Variants in RSPO2 observed in about 807,000 individuals in gnomAD.
RSPO2 encodes R-spondin 2.
Under a neutral mutation model 30.9 loss-of-function variants are expected in RSPO2, and 14 were observed. The ratio of observed to expected loss-of-function variants is 0.45; its 90% CI spans 0.30 to 0.71. The LOEUF (loss-of-function observed/expected upper bound fraction) is 0.71, where lower values mean the gene tolerates loss of function less well. RSPO2 is among the 30% of genes least tolerant of loss of function. The pLI is 0.08. For missense variants in RSPO2, 264 were observed against 301.9 expected (o/e 0.87, Z 0.93); for synonymous variants, 107 against 96.4 (o/e 1.11, Z -0.64).
rs1374748413 is a variant in RSPO2, at chr8:107,900,921, G to GGC, written c.*152_*153dup. 45 of 730,160 alleles carry GGC rather than the reference G, an allele frequency of 6.2e-5. No individual in the cohort carries two copies. Among genetic ancestry groups the GGC allele is most frequent in the Admixed American group, 1.6e-4 (6 of 38,646 alleles). 45.2% of individuals were successfully genotyped at this position (730,160 alleles called of 1,614,324 possible). A position where few individuals can be genotyped will look rare whatever the true frequency, so the allele number is the denominator to read the frequency against. Reference sequence around the variant, plus strand: ...CAAATCAAAGCATAAATAACACAGGGGCCATGCTGGTGGTGCTTCCTTTCA... The same window carrying GGC: ...CAAATCAAAGCATAAATAACACAGGGGCGCCATGCTGGTGGTGCTTCCTTTCA... On this transcript the variant is annotated 3_prime_UTR_variant, in exon 6 of 6. Transcript: ENST00000276659.
At chr8:107,940,598 C>T (rs1403466434) in intron 5 of RSPO2, among the ~76,000 whole-genome samples, 1 of 152,166 alleles carries the variant, frequency 6.6e-6, no homozygotes, top group African/African-American at 2.4e-5. Flanking sequence ...GAATGCTTGG[C>T]TCATAGCTTC....
chr8:108,057,587 T>G (rs1812297650), intron 2 of RSPO2, among the ~76,000 whole-genome samples: 1 of 152,106 alleles, frequency 6.6e-6, no homozygotes, highest in Non-Finnish European at 1.5e-5. Context: ...CATTCAAAAT[T>G]CAAATTTTAA....
Position 107,899,323 on chromosome 8 carries a change from G to GAAGT in RSPO2, c.*1748_*1751dup, listed in dbSNP as rs1362916831. 3 of 152,506 alleles carry GAAGT rather than the reference G, an allele frequency of 2.0e-5. No homozygotes were observed. Among genetic ancestry groups the GAAGT allele is most frequent in the Admixed American group, 2.0e-4 (3 of 15,264 alleles). 9.4% of individuals were successfully genotyped at this position (152,506 alleles called of 1,614,324 possible). A position where few individuals can be genotyped will look rare whatever the true frequency, so the allele number is the denominator to read the frequency against. ...AGAAATCTCCACAAAAAATAATTTT[G>GAAGT]AAGTTTTTAATGCACAAAAAAGAAC... is the stretch of plus-strand genomic sequence containing the variant. On this transcript the variant is annotated 3_prime_UTR_variant, in exon 6 of 6. Transcript: ENST00000276659.
intron 5 of RSPO2, among the ~76,000 whole-genome samples, chr8:107,909,505 C>T (rs1444743504): frequency 1.3e-5 from 2 of 152,064 alleles, no homozygotes; most frequent in African/African-American, 4.8e-5. Flanking sequence ...TCGTGATCCT[C>T]CTGCTGGGAT....
chr8:107,970,433 C>T (rs1397058072), intron 3 of RSPO2, among the ~76,000 whole-genome samples: 2 of 152,056 alleles, frequency 1.3e-5, no homozygotes, highest in East Asian at 3.9e-4. Flanking sequence ...TTACTGAAAT[C>T]CCTGGGGTAC....
At chr8:108,063,826 CAG>C (rs1812561550) in intron 2 of RSPO2, among the ~76,000 whole-genome samples, 2 of 152,130 alleles carry the variant, frequency 1.3e-5, no homozygotes, top group African/African-American at 4.8e-5. Flanking sequence ...GGTATCAAAA[CAG>C]AGATATAGAC....
intron 2 of RSPO2, among the ~76,000 whole-genome samples, chr8:108,080,072 G>A (rs1813145523): frequency 6.6e-6 from 1 of 152,148 alleles, no homozygotes; most frequent in Admixed American, 6.5e-5. Flanking sequence ...ATTAAAACCA[G>A]CTTAAGTTTG....
intron 5 of RSPO2, among the ~76,000 whole-genome samples, chr8:107,926,066 G>C (rs1273052202): frequency 6.6e-6 from 1 of 152,136 alleles, no homozygotes; most frequent in East Asian, 1.9e-4. Context: ...TCCAGCACCT[G>C]TTGTTTCCTG....
chr8:107,951,979 C>T (rs1034703152), intron 5 of RSPO2, among the ~76,000 whole-genome samples: 4 of 152,036 alleles, frequency 2.6e-5, no homozygotes, highest in Non-Finnish European at 4.4e-5. Flanking sequence ...TGAAAGAAAT[C>T]GTTCCTTGAA....
chr8:107,911,743 T>C lies in RSPO2; in HGVS notation c.617-10553A>G, dbSNP rs1400010933. On this transcript the variant is annotated intron_variant, in intron 5 of 5. Coordinates refer to ENST00000276659, the MANE Select transcript of RSPO2 (RefSeq NM_178565.5). ...GTTAAGTAAATAGCACAAAATCACA[T>C]AGCTCAGCAGTGATTCAAACCAACA... 3.9e-5 allele frequency among the ~76,000 whole-genome samples: 6 copies of C among 152,286 alleles called. No homozygotes were observed. The East Asian group carries it at 9.7e-4, about 25-fold the overall frequency.
intron 2 of RSPO2, among the ~76,000 whole-genome samples, chr8:108,040,627 G>A (rs1006214781): frequency 6.6e-6 from 1 of 152,146 alleles, no homozygotes; most frequent in African/African-American, 2.4e-5. Context: ...CTGAGCAAGA[G>A]AACAACATGA....
At chr8:107,972,444 C>G (rs1814033773) in intron 3 of RSPO2, among the ~76,000 whole-genome samples, 1 of 152,114 alleles carries the variant, frequency 6.6e-6, no homozygotes, top group South Asian at 2.1e-4. Flanking sequence ...CTGTGCCCAG[C>G]CCATTTTGTA....
intron 5 of RSPO2, among the ~76,000 whole-genome samples, chr8:107,913,159 A>T (rs1811874206): frequency 6.6e-6 from 1 of 152,138 alleles, no homozygotes; most frequent in Non-Finnish European, 1.5e-5. Flanking sequence ...ACAGGCAGTA[A>T]GTAGTAGAGT....
At chr8:107,954,518 G>C (rs966608440) in intron 5 of RSPO2, among the ~76,000 whole-genome samples, 2 of 152,150 alleles carry the variant, frequency 1.3e-5, no homozygotes, top group Non-Finnish European at 2.9e-5. Context: ...TCATTTTCAA[G>C]TCATTCACTC....
chr8:108,055,680 C>G (rs1812221921), intron 2 of RSPO2, among the ~76,000 whole-genome samples: 3 of 152,100 alleles, frequency 2.0e-5, no homozygotes, highest in Admixed American at 2.0e-4. Flanking sequence ...TTATTTGGAG[C>G]CAGGAAATGT....
At chr8:108,024,138 T>TA (rs1194561801) in intron 2 of RSPO2, among the ~76,000 whole-genome samples, 5 of 58,712 alleles carry the variant, frequency 8.5e-5, no homozygotes, top group South Asian at 4.7e-4. Flanking sequence ...TACAAAGAAA[T>TA]AAAAAAACAA....
At chr8:108,066,901 G>C (rs1812690768) in intron 2 of RSPO2, among the ~76,000 whole-genome samples, 1 of 152,122 alleles carries the variant, frequency 6.6e-6, no homozygotes, top group East Asian at 1.9e-4. Flanking sequence ...ACGAGACATT[G>C]TGTGCCTCCT....
At chr8:107,967,049 AG>A (rs758295173) in intron 3 of RSPO2, among the ~76,000 whole-genome samples, 14 of 152,174 alleles carry the variant, frequency 9.2e-5, no homozygotes, top group Non-Finnish European at 1.5e-4. Flanking sequence ...AGAATGTGGC[AG>A]TCAATGACAA....
intron 5 of RSPO2, among the ~76,000 whole-genome samples, chr8:107,919,163 C>T (rs1812075732): frequency 6.6e-6 from 1 of 152,094 alleles, no homozygotes; most frequent in South Asian, 2.1e-4. Flanking sequence ...CCCACTATTC[C>T]CCTGATCAGC....
Sources: gnomAD v4.1 joint callset for allele counts (sites outside exome capture counted in the v4.1 genomes callset) on GRCh38, gnomAD v4.1.1 for gene constraint, MANE v1.5 for transcripts, NCBI Gene and HGNC (gene_info 2026-07-23, HGNC 2026-07-21) for gene names.